SLC2A13: variants seen among roughly 807,000 people sequenced by gnomAD.
SLC2A13 encodes proton myo-inositol cotransporter.
Under a neutral mutation model 64.4 loss-of-function variants are expected in SLC2A13, and 32 were observed. That is an observed-to-expected ratio of 0.50 (90% confidence interval 0.37 to 0.67). The LOEUF is 0.67. SLC2A13 is among the 30% of genes least tolerant of loss of function. The pLI is 0.00. For synonymous variants in SLC2A13, 338 were observed against 327.1 expected, an observed-to-expected ratio of 1.03 and a Z score of -0.36; for missense variants, 743 against 829.2, an observed-to-expected ratio of 0.90 and a Z score of 1.28.
intron 1 of SLC2A13, among the ~76,000 whole-genome samples, chr12:40,104,861 G>A (rs1158119139): frequency 6.6e-6 from 1 of 152,210 alleles, no homozygotes; most frequent in Non-Finnish European, 1.5e-5. Context: ...GAGAGGCAAG[G>A]TGGGACAGTG....
chr12:39,864,644 T>A lies in SLC2A13; in HGVS notation c.1319+118A>T. ...CACCTTTCCCATTTTCTTCCCTTCT[T>A]ACATAAGCCTGGATGCCCAGCAAGC... is the stretch of plus-strand genomic sequence containing the variant. On this transcript the variant is annotated intron_variant, in intron 6 of 9. Transcript: ENST00000280871. 3.7e-6 allele frequency: 5 copies of A among 1,360,698 alleles called. No homozygotes were observed. In the South Asian group the frequency reaches 7.8e-5, roughly 21 times the overall value. The allele number at this position is 1,360,698 out of a possible 1,614,324, so 84.3% of individuals were successfully genotyped here.
intron 6 of SLC2A13, among the ~76,000 whole-genome samples, chr12:39,860,866 TG>T (rs1002817756): frequency 2.6e-5 from 4 of 152,188 alleles, no homozygotes; most frequent in African/African-American, 9.7e-5. Flanking sequence ...CACATGCTCT[TG>T]GTGGCACCCA....
intron 7 of SLC2A13, among the ~76,000 whole-genome samples, chr12:39,782,336 CATGGGG>C (rs1199039298): frequency 2.0e-5 from 3 of 152,062 alleles, no homozygotes; most frequent in South Asian, 2.1e-4. Flanking sequence ...CTAATTGAAT[CATGGGG>C]GCGGCCGGTC....
chr12:40,084,099 T>C (rs1380666794), intron 1 of SLC2A13, among the ~76,000 whole-genome samples: 1 of 152,236 alleles, frequency 6.6e-6, no homozygotes, highest in African/African-American at 2.4e-5. Context: ...CCAAAAGCTC[T>C]TTAACTGATA....
chr12:39,987,473 C>G (rs1947051148), intron 3 of SLC2A13, among the ~76,000 whole-genome samples: 1 of 152,148 alleles, frequency 6.6e-6, no homozygotes, highest in Admixed American at 6.6e-5. Flanking sequence ...ACTCCTGACT[C>G]CCTTCCCCAA....
At chr12:39,976,542 A>C (rs554913337) in intron 3 of SLC2A13, among the ~76,000 whole-genome samples, 26 of 152,276 alleles carry the variant, frequency 1.7e-4, no homozygotes, top group African/African-American at 6.0e-4. Context: ...CACTTGTAAC[A>C]ATGTTTTAAT....
chr12:39,768,961 T>G (rs1243357225), intron 7 of SLC2A13, among the ~76,000 whole-genome samples: 1 of 152,128 alleles, frequency 6.6e-6, no homozygotes, highest in East Asian at 1.9e-4. Context: ...TTCACTAGCC[T>G]CTAGAATCCA....
chr12:40,091,427 T>C (rs1185697797), intron 1 of SLC2A13, among the ~76,000 whole-genome samples: 1 of 152,184 alleles, frequency 6.6e-6, no homozygotes, highest in African/African-American at 2.4e-5. Context: ...AAATCTAAAA[T>C]TAAAAGCTTA....
intron 3 of SLC2A13, among the ~76,000 whole-genome samples, chr12:39,973,563 T>C (rs140976904): frequency 1.4e-4 from 21 of 152,332 alleles, no homozygotes; most frequent in Admixed American, 1.2e-3. Context: ...CACATCTGCA[T>C]TGAAATATAC....
chr12:39,896,223 T>C (rs1434681233), intron 4 of SLC2A13, among the ~76,000 whole-genome samples: 1 of 148,318 alleles, frequency 6.7e-6, no homozygotes, highest in Non-Finnish European at 1.5e-5. Flanking sequence ...TACGTATACA[T>C]ATATGCATAT....
intron 6 of SLC2A13, 147 bp downstream of exon 6, chr12:39,864,615 C>A: frequency 9.0e-7 from 1 of 1,108,544 alleles, no homozygotes. Context: ...GGGCCCCTCT[C>A]TACCACCTTT....
intron 4 of SLC2A13, among the ~76,000 whole-genome samples, chr12:39,946,387 G>A (rs1411226350): frequency 2.0e-5 from 3 of 152,226 alleles, no homozygotes; most frequent in African/African-American, 7.2e-5. Flanking sequence ...GTAGTAGTGT[G>A]GAGAGGGACT....
intron 9 of SLC2A13, among the ~76,000 whole-genome samples, chr12:39,763,428 G>C (rs1449488629): frequency 6.6e-6 from 1 of 152,054 alleles, no homozygotes; most frequent in Non-Finnish European, 1.5e-5. Context: ...ATTTATCCAT[G>C]TATTTATTCA....
chr12:40,065,102 C>T (rs1565611526), intron 1 of SLC2A13, among the ~76,000 whole-genome samples: 1 of 151,968 alleles, frequency 6.6e-6, no homozygotes, highest in South Asian at 2.1e-4. Context: ...TGAGATAGAA[C>T]AGCAATATTA....
At chr12:40,002,315 A>G (rs1947333494) in intron 3 of SLC2A13, among the ~76,000 whole-genome samples, 1 of 152,188 alleles carries the variant, frequency 6.6e-6, no homozygotes, top group Admixed American at 6.5e-5. Flanking sequence ...TAATGTATCC[A>G]ACAACAACAT....
intron 4 of SLC2A13, among the ~76,000 whole-genome samples, chr12:39,877,273 C>T (rs1203732705): frequency 6.6e-6 from 1 of 151,934 alleles, no homozygotes; most frequent in Non-Finnish European, 1.5e-5. Flanking sequence ...TGGTGGAAGG[C>T]AAAGGAGAGC....
chr12:39,848,136 A>G (rs1217408971), intron 6 of SLC2A13, among the ~76,000 whole-genome samples: 1 of 152,198 alleles, frequency 6.6e-6, no homozygotes, highest in Non-Finnish European at 1.5e-5. Flanking sequence ...TTCATGACAA[A>G]GATACCAAAA....
chr12:40,041,404 C>T (rs1296305865), intron 2 of SLC2A13, among the ~76,000 whole-genome samples: 3 of 152,092 alleles, frequency 2.0e-5, no homozygotes, highest in African/African-American at 7.2e-5. Context: ...CTAGAATTTC[C>T]CTCTCCCTCA....
chr12:40,009,147 T>C (rs1056337850), intron 3 of SLC2A13, among the ~76,000 whole-genome samples: 1 of 152,144 alleles, frequency 6.6e-6, no homozygotes, highest in Non-Finnish European at 1.5e-5. Flanking sequence ...CCAAATCTGT[T>C]ATGGCCAGCA....
Sources: allele counts gnomAD v4.1 joint callset (sites outside exome capture counted in the v4.1 genomes callset), GRCh38; gene constraint gnomAD v4.1.1; transcripts MANE v1.5; gene names NCBI Gene and HGNC (gene_info 2026-07-23, HGNC 2026-07-21).